Variants in SEMA4D observed in about 807,000 individuals in gnomAD.
SEMA4D encodes the protein semaphorin 4D.
A neutral mutation model predicts 74.8 loss-of-function variants in SEMA4D; 22 were observed. The ratio of observed to expected loss-of-function variants is 0.29; its 90% CI spans 0.21 to 0.42. SEMA4D has a LOEUF of 0.42. SEMA4D is among the 10% of genes least tolerant of loss of function. The pLI is 1.00. For missense variants in SEMA4D, 937 were observed against 1,118.4 expected (o/e 0.84, Z 2.31); for synonymous variants, 445 against 463.7 (o/e 0.96, Z 0.52).
At chr9:89,367,474 G>T (rs1303406737) in intron 16 of SEMA4D, 1 of 152,460 alleles carries the variant, frequency 6.6e-6, no homozygotes, top group South Asian at 2.1e-4. Flanking sequence ...CCTCTGTGGG[G>T]TGGGGACAAG....
In SEMA4D at chr9:89,450,659, G is replaced by GAAAAAAAAAAAAAAAAAAAAAAAAAA. The variant is rs1564832883; in HGVS notation, c.-244+5228_-244+5229insTTTTTTTTTTTTTTTTTTTTTTTTTT. On this transcript the variant is annotated intron_variant, in intron 2 of 15. Coordinates refer to ENST00000422704, the MANE Select transcript of SEMA4D (RefSeq NM_001371194.2). ...AGAGTTCTGCAAGTCGAAAAACCCA[G>GAAAAAAAAAAAAAAAAAAAAAAAAAA]GAAAAAAAAAAAAAAAAAAAAAAAA... 1.0e-4 allele frequency: 42 copies of GAAAAAAAAAAAAAAAAAAAAAAAAAA among 421,250 alleles called. 6 individuals carry two copies. Among genetic ancestry groups the GAAAAAAAAAAAAAAAAAAAAAAAAAA allele is most frequent in the Admixed American group, 1.4e-4 (3 of 22,200 alleles). The allele number at this position is 421,250 out of a possible 1,614,324, so 26.1% of individuals were successfully genotyped here.
chr9:89,399,439 G>T, intron 4 of SEMA4D, 101 bp from the exon 5 acceptor site: 1 of 927,514 alleles, frequency 1.1e-6, no homozygotes, highest in South Asian at 1.4e-5. Flanking sequence ...GAGCCTAGAG[G>T]TTTCTCCTGA....
In SEMA4D at chr9:89,399,009, A is replaced by G. The variant is rs1190320264; in HGVS notation, c.315+267T>C. ...TGTTCTGTAGTCAAAGTTTCAGGCC[A>G]TCTGAATACATTCAATTCATATAAA... On this transcript the variant is annotated intron_variant, in intron 5 of 15. Coordinates refer to ENST00000422704, the MANE Select transcript of SEMA4D (RefSeq NM_001371194.2). 2.0e-5 allele frequency among the ~76,000 whole-genome samples: 3 copies of G among 152,280 alleles called. No individual in the cohort carries two copies. In the East Asian group the frequency reaches 5.8e-4, roughly 29 times the overall value.
intron 10 of SEMA4D, 39 bp downstream of exon 10, chr9:89,388,833 C>T (rs747169357): frequency 6.2e-7 from 1 of 1,607,084 alleles, no homozygotes; most frequent in African/African-American, 1.3e-5. Flanking sequence ...CTGGCGGCAT[C>T]AAGGGAGCAA....
At chr9:89,427,355 T>C (rs564015950) in intron 2 of SEMA4D, among the ~76,000 whole-genome samples, 3 of 152,208 alleles carry the variant, frequency 2.0e-5, no homozygotes, top group Admixed American at 6.5e-5. Context: ...CAAGTGCATA[T>C]GGACTAAGGA....
At chr9:89,459,120 G>A (rs1209214577) in intron 1 of SEMA4D, among the ~76,000 whole-genome samples, 1 of 152,168 alleles carries the variant, frequency 6.6e-6, no homozygotes, top group African/African-American at 2.4e-5. Flanking sequence ...CTGAGCCATC[G>A]CAGCCTCCTA....
intron 2 of SEMA4D, among the ~76,000 whole-genome samples, chr9:89,409,857 G>A (rs1337820672): frequency 6.6e-6 from 1 of 152,186 alleles, no homozygotes; most frequent in Non-Finnish European, 1.5e-5. Flanking sequence ...TAAGCATGCT[G>A]GGGTCAGGCC....
intron 18 of SEMA4D, chr9:89,363,318 G>A (rs1430500221): frequency 4.7e-6 from 7 of 1,475,180 alleles, no homozygotes; most frequent in African/African-American, 2.8e-5. Flanking sequence ...GGGGCTAAGA[G>A]GGAACAAGTG....
intron 16 of SEMA4D, among the ~76,000 whole-genome samples, chr9:89,371,949 T>A: frequency 8.4e-6 from 1 of 119,288 alleles, no homozygotes; most frequent in East Asian, 3.0e-4. Context: ...GTGGTGTGTG[T>A]GGGGTGTGGT....
chr9:89,487,273 C>T (rs1015217803), intron 1 of SEMA4D, among the ~76,000 whole-genome samples: 2 of 151,560 alleles, frequency 1.3e-5, no homozygotes, highest in Non-Finnish European at 2.9e-5. Context: ...TATTTACAAA[C>T]AAAAAATGAA....
At chr9:89,392,637 C>A in intron 7 of SEMA4D, 101 bp from the exon 8 acceptor site, 2 of 735,264 alleles carry the variant, frequency 2.7e-6, no homozygotes, top group Non-Finnish European at 4.8e-6. Flanking sequence ...CTTTATAACC[C>A]AATTAAGTCC....
intron 2 of SEMA4D, among the ~76,000 whole-genome samples, chr9:89,441,267 G>C (rs986466709): frequency 3.3e-5 from 5 of 152,248 alleles, no homozygotes; most frequent in Non-Finnish European, 7.3e-5. Context: ...ACACGCGCAG[G>C]ACTCGGCCGG....
At chr9:89,440,761 G>A (rs186545534) in intron 2 of SEMA4D, among the ~76,000 whole-genome samples, 1 of 152,330 alleles carries the variant, frequency 6.6e-6, no homozygotes, top group East Asian at 1.9e-4. Flanking sequence ...CTTCCAGTGG[G>A]CAAGACATCA....
intron 11 of SEMA4D, among the ~76,000 whole-genome samples, chr9:89,388,040 A>T (rs1402508810): frequency 6.6e-6 from 1 of 152,220 alleles, no homozygotes. Flanking sequence ...TGTAAACCAA[A>T]ATCTGTGACC....
intron 2 of SEMA4D, among the ~76,000 whole-genome samples, chr9:89,412,242 A>C (rs1219560638): frequency 6.6e-6 from 1 of 152,264 alleles, no homozygotes; most frequent in Admixed American, 6.5e-5. Context: ...CCAAGAGTAG[A>C]AAGTTCCACA....
chr9:89,429,949 A>G (rs1848906929), intron 2 of SEMA4D, among the ~76,000 whole-genome samples: 1 of 152,070 alleles, frequency 6.6e-6, no homozygotes, highest in Non-Finnish European at 1.5e-5. Context: ...CTGAAAATGC[A>G]CATAACAAGA....
intron 7 of SEMA4D, 127 bp from the exon 8 acceptor site, chr9:89,392,663 GAAAGACA>G: frequency 1.5e-6 from 1 of 649,122 alleles, no homozygotes; most frequent in South Asian, 1.8e-5. Context: ...TGGGGAAAGG[GAAAGACA>G]GTCTCCTCAA....
At chr9:89,393,460 G>T in intron 7 of SEMA4D, 102 bp downstream of exon 7, 2 of 969,696 alleles carry the variant, frequency 2.1e-6, no homozygotes, top group African/African-American at 1.6e-5. Flanking sequence ...TTTAAACAAA[G>T]CCAAGGAAGA....
At chr9:89,376,821 G>A, downstream of SEMA4D, 3 of 1,544,494 alleles carry the variant, frequency 1.9e-6, no homozygotes, top group South Asian at 1.2e-5. Flanking sequence ...GGACAGAGAG[G>A]GCCCAACTCA....
Sources: gnomAD v4.1 joint callset for allele counts (sites outside exome capture counted in the v4.1 genomes callset) on GRCh38, gnomAD v4.1.1 for gene constraint, MANE v1.5 for transcripts, NCBI Gene and HGNC (gene_info 2026-07-23, HGNC 2026-07-21) for gene names.